BCL2L15: variants seen among roughly 807,000 people sequenced by gnomAD.
BCL2L15 encodes BCL2 like 15.
Under a neutral mutation model 18.3 loss-of-function variants are expected in BCL2L15, and 15 were observed. The observed-to-expected ratio is 0.82, with a 90% confidence interval of 0.55 to 1.26. The LOEUF (loss-of-function observed/expected upper bound fraction) is 1.26, where lower values mean the gene tolerates loss of function less well. BCL2L15 is among the 50% of genes most tolerant of loss of function. The pLI, the probability that BCL2L15 is intolerant of heterozygous loss-of-function variation, is 0.00. For missense variants in BCL2L15, 180 were observed against 201.7 expected (o/e 0.89, Z 0.65); for synonymous variants, 58 against 68.5 (o/e 0.85, Z 0.76).
At position 113,877,754 on chromosome 1, in the gene BCL2L15, G is replaced by T. The variant is rs537828731; in HGVS notation, c.*3369C>A. 6.6e-6 allele frequency among the ~76,000 whole-genome samples: 1 copy of T among 152,304 alleles called. No homozygotes were observed. The highest frequency in any genetic ancestry group is 1.9e-4 in the East Asian group (1 of 5,186). ...AATCTATTGAAAGCCTAAGTAGGAG[G>T]CTTTATTAATAGTCCAGGCAGTTGC... On this transcript the variant is annotated 3_prime_UTR_variant, in exon 4 of 4. Coordinates refer to ENST00000393316, the MANE Select transcript of BCL2L15 (RefSeq NM_001010922.3).
In BCL2L15 at chr1:113,886,014, C is replaced by G. The variant is rs113010999; in HGVS notation, c.249+523G>C. ...CCTGAGCTTAGGCATTCAAGACCAG[C>G]CCGGGCAACATGGCAAAAACCCATC... On this transcript the variant is annotated intron_variant, in intron 2 of 3. Transcript: ENST00000393316. 2.3e-3 allele frequency among the ~76,000 whole-genome samples: 354 copies of G among 151,570 alleles called. 1 individual carries two copies. Among genetic ancestry groups the G allele is most frequent in the African/African-American group, 8.1e-3 (334 of 41,326 alleles).
rs1666828906 is a variant in BCL2L15, at chr1:113,880,214, T to G, written c.*909A>C. 6.9e-6 allele frequency: 1 copy of G among 144,272 alleles called. No homozygotes were observed. The highest frequency in any genetic ancestry group is 2.5e-4 in the South Asian group (1 of 4,050). 8.9% of individuals were successfully genotyped at this position (144,272 alleles called of 1,614,324 possible). On this transcript the variant is annotated 3_prime_UTR_variant, in exon 4 of 4. Transcript: ENST00000393316. ...TTGACCTTCCTAGTAGAAACAACTG[T>G]TTTTGTTTGTTTGTTTGTTTTTTGC...
chr1:113,879,310 A>G lies in BCL2L15; in HGVS notation c.*1813T>C, dbSNP rs1666803114. ...AATGCTGCTTTTCATGAATCACTGT[A>G]GCAATGCCTTTCTTCTTGATATTTA... On this transcript the variant is annotated 3_prime_UTR_variant, in exon 4 of 4. Transcript: ENST00000393316. 1 of 152,362 alleles carries G rather than the reference A, an allele frequency of 6.6e-6. No individual in the cohort carries two copies. Among genetic ancestry groups the G allele is most frequent in the Non-Finnish European group, 1.5e-5 (1 of 68,048 alleles). The allele number at this position is 152,362 out of a possible 1,614,324, so 9.4% of individuals were successfully genotyped here.
chr1:113,882,092 G>T, intron 2 of BCL2L15, 95 bp from the exon 3 acceptor site: 1 of 846,354 alleles, frequency 1.2e-6, no homozygotes, highest in Non-Finnish European at 1.8e-6. Context: ...GTTTCTTAGA[G>T]TGCCAAATGT....
chr1:113,886,347 C>A (rs1004484959), intron 2 of BCL2L15, among the ~76,000 whole-genome samples, 190 bp downstream of exon 2: 3 of 152,182 alleles, frequency 2.0e-5, no homozygotes, highest in African/African-American at 7.2e-5. Flanking sequence ...TCAGCCTATG[C>A]CCAAAATTTT....
In BCL2L15 at chr1:113,880,958, T is replaced by C. The variant is rs1558069646; in HGVS notation, c.*165A>G. Reference sequence around the variant, plus strand: ...ACCAACTCTGCAGGCCTCTGGCAGCTGCTCCCAACTTTAACAATCAGTAAA... The same window carrying C: ...ACCAACTCTGCAGGCCTCTGGCAGCCGCTCCCAACTTTAACAATCAGTAAA... On this transcript the variant is annotated 3_prime_UTR_variant, in exon 4 of 4. Coordinates refer to ENST00000393316, the MANE Select transcript of BCL2L15 (RefSeq NM_001010922.3). 2.1e-5 allele frequency: 20 copies of C among 947,998 alleles called. No individual in the cohort carries two copies. The highest frequency in any genetic ancestry group is 2.1e-5 in the Non-Finnish European group (13 of 625,132). 58.7% of individuals were successfully genotyped at this position (947,998 alleles called of 1,614,324 possible). A position where few individuals can be genotyped will look rare whatever the true frequency, so the allele number is the denominator to read the frequency against.
At chr1:113,884,120 A>T (rs1484886491) in intron 2 of BCL2L15, among the ~76,000 whole-genome samples, 1 of 152,230 alleles carries the variant, frequency 6.6e-6, no homozygotes, top group Non-Finnish European at 1.5e-5. Context: ...TATTAATTAC[A>T]AAGGGGAAAA....
At position 113,880,911 on chromosome 1, in the gene BCL2L15, G is replaced by GACAAA. The variant is rs1467402499; in HGVS notation, c.*207_*211dup. On this transcript the variant is annotated 3_prime_UTR_variant, in exon 4 of 4. Coordinates refer to ENST00000393316, the MANE Select transcript of BCL2L15 (RefSeq NM_001010922.3). ...AAATCTCTGTGGTTTGCATTAAGTT[G>GACAAA]ACAAAACAAAACAAAACAAAAACCA... 2.2e-5 allele frequency: 13 copies of GACAAA among 590,162 alleles called. No homozygotes were observed. The highest frequency in any genetic ancestry group is 6.2e-5 in the Admixed American group (2 of 32,188). The allele number at this position is 590,162 out of a possible 1,614,324, so 36.6% of individuals were successfully genotyped here.
At chr1:113,886,693 G>C in intron 1 of BCL2L15, 35 bp from the exon 2 acceptor site, 1 of 1,555,960 alleles carries the variant, frequency 6.4e-7, no homozygotes. Context: ...TACAATGCTT[G>C]AAGCAATGGC....
At position 113,887,370 on chromosome 1, in the gene BCL2L15, C is replaced by G; in HGVS notation, c.6G>C (p.Lys2Asn). The change falls in exon 1 of 4, where the codon AAG (lysine) becomes AAC (asparagine). Residue 2 changes from lysine (K) to asparagine (N), a missense_variant. Lys to Asn is a moderately conservative substitution (Grantham distance 94, BLOSUM62 0). Transcript: ENST00000393316. The stretch of plus-strand genomic sequence containing the variant: ...TTTGTTCCTCAAAAGTTTGGGAGCT[C>G]TTCATTTTAGATGTTTGCTGTCAAG... M[K>N]SSQTFEEQTE... 6.2e-7 allele frequency: 1 copy of G among 1,614,016 alleles called. No individual in the cohort carries two copies. The highest frequency in any genetic ancestry group is 2.2e-5 in the East Asian group (1 of 44,874).
At chr1:113,884,669 G>A (rs560804814) in intron 2 of BCL2L15, among the ~76,000 whole-genome samples, 2 of 152,296 alleles carry the variant, frequency 1.3e-5, no homozygotes, top group African/African-American at 2.4e-5. Flanking sequence ...TGATTCAAGA[G>A]AGAAATTATT....
chr1:113,884,166 A>G (rs938481744), intron 2 of BCL2L15, among the ~76,000 whole-genome samples: 5 of 152,240 alleles, frequency 3.3e-5, no homozygotes, highest in African/African-American at 1.2e-4. Flanking sequence ...TACAGACACC[A>G]TCTTAAGTGA....
intron 1 of BCL2L15, 53 bp downstream of exon 1, chr1:113,887,196 C>G: frequency 6.4e-7 from 1 of 1,561,042 alleles, no homozygotes; most frequent in South Asian, 1.1e-5. Flanking sequence ...CTGCGCCCGG[C>G]TGAAAACATA....
At chr1:113,881,466 A>G in intron 3 of BCL2L15, 1 of 1,347,724 alleles carries the variant, frequency 7.4e-7, no homozygotes, top group Non-Finnish European at 9.5e-7. Flanking sequence ...GAGTGAAGCC[A>G]GGCTGAAATT....
At chr1:113,881,481 C>A (rs2102245329) in intron 3 of BCL2L15, 2 of 1,344,958 alleles carry the variant, frequency 1.5e-6, no homozygotes, top group African/African-American at 1.5e-5. Context: ...GAAATTAGAA[C>A]TCTATCATGA....
intron 2 of BCL2L15, among the ~76,000 whole-genome samples, chr1:113,883,573 C>T (rs950376634): frequency 1.4e-5 from 2 of 145,928 alleles, no homozygotes; most frequent in East Asian, 2.0e-4. Flanking sequence ...CAGGAGTTCG[C>T]GACCAGCCTG....
In BCL2L15 at chr1:113,879,019, T is replaced by G. The variant is rs555219256; in HGVS notation, c.*2104A>C. The G allele has an allele frequency of 1.3e-5, 2 of 152,210 alleles. No homozygotes were observed. The highest frequency in any genetic ancestry group is 4.2e-4 in the South Asian group (2 of 4,814). The allele number at this position is 152,210 out of a possible 1,614,324, so 9.4% of individuals were successfully genotyped here. ...CACGTGCCACCAAGCCTGGCTAATT[T>G]TTTGTATTTTTAGCAGAGACAGGGT... On this transcript the variant is annotated 3_prime_UTR_variant, in exon 4 of 4. Transcript: ENST00000393316.
intron 2 of BCL2L15, among the ~76,000 whole-genome samples, chr1:113,884,736 T>C (rs959743164): frequency 2.6e-5 from 4 of 152,118 alleles, no homozygotes; most frequent in East Asian, 1.9e-4. Context: ...TATATTTTTT[T>C]TTATTAAAAC....
chr1:113,886,904 C>T (rs1166492436), intron 1 of BCL2L15, among the ~76,000 whole-genome samples: 3 of 133,702 alleles, frequency 2.2e-5, no homozygotes, highest in Non-Finnish European at 4.9e-5. Flanking sequence ...ATAAAATATA[C>T]TGTTTTTTTT....
Sources: allele counts gnomAD v4.1 joint callset (sites outside exome capture counted in the v4.1 genomes callset), GRCh38; gene constraint gnomAD v4.1.1; transcripts MANE v1.5; gene names NCBI Gene and HGNC (gene_info 2026-07-23, HGNC 2026-07-21).